EIF2AK4: variants seen among roughly 807,000 people sequenced by gnomAD.
EIF2AK4 encodes eIF-2-alpha kinase GCN2.
A neutral mutation model predicts 211.1 loss-of-function variants in EIF2AK4; 139 were observed. The ratio of observed to expected loss-of-function variants is 0.66; its 90% CI spans 0.57 to 0.76. EIF2AK4 has a LOEUF of 0.76. EIF2AK4 is among the 30% of genes least tolerant of loss of function. EIF2AK4 has a pLI of 0.00. For missense variants in EIF2AK4, 1,664 were observed against 2,043.8 expected (o/e 0.81, Z 3.58); for synonymous variants, 710 against 751.3 (o/e 0.94, Z 0.90).
chr15:39,972,849 T>C, intron 9 of EIF2AK4, 59 bp from the exon 10 acceptor site: 1 of 1,366,712 alleles, frequency 7.3e-7, no homozygotes, highest in Non-Finnish European at 1.0e-6. Context: ...ATGCCTTGGA[T>C]TAACTAGTTT....
chr15:40,011,252 C>G, intron 26 of EIF2AK4, 29 bp from the exon 27 acceptor site: 2 of 1,609,402 alleles, frequency 1.2e-6, no homozygotes, highest in Non-Finnish European at 1.7e-6. Flanking sequence ...TTTCGCGACT[C>G]TCATTGTTAC....
At chr15:40,021,470 G>A (rs1234055174) in intron 31 of EIF2AK4, 5 of 152,996 alleles carry the variant, frequency 3.3e-5, no homozygotes, top group Non-Finnish European at 7.3e-5. Flanking sequence ...CCTCATACAT[G>A]CACCCTGTGA....
chr15:39,986,028 C>G, intron 14 of EIF2AK4, 140 bp downstream of exon 14: 1 of 704,316 alleles, frequency 1.4e-6, no homozygotes, highest in South Asian at 2.0e-5. Context: ...AGAGGATTAC[C>G]ATATGGAGGC....
At chr15:39,943,276 T>G (rs1008396108) in intron 2 of EIF2AK4, 107 bp from the exon 3 acceptor site, 17 of 797,960 alleles carry the variant, frequency 2.1e-5, no homozygotes, top group Non-Finnish European at 3.1e-5. Context: ...CCCTTTGAGA[T>G]TAAGGGCCTT....
chr15:39,951,428 A>G (rs2034311324), intron 4 of EIF2AK4: 3 of 312,476 alleles, frequency 9.6e-6, no homozygotes, highest in Non-Finnish European at 1.8e-5. Context: ...CAATTGTTAC[A>G]TGTTTGGCAT....
At chr15:39,937,319 T>C (rs930905057) in intron 1 of EIF2AK4, among the ~76,000 whole-genome samples, 8 of 152,300 alleles carry the variant, frequency 5.3e-5, no homozygotes, top group African/African-American at 1.9e-4. Context: ...ATGAAACATA[T>C]CTCATTTTAA....
chr15:39,944,008 C>T (rs530204026), intron 3 of EIF2AK4, among the ~76,000 whole-genome samples: 21 of 152,200 alleles, frequency 1.4e-4, no homozygotes, highest in Middle Eastern at 3.4e-3. Flanking sequence ...TTGATGTGAA[C>T]CCAGCCATAC....
rs1218757710 is a variant in EIF2AK4 at position 40,009,693 on chromosome 15, A to C, written c.3656A>C (p.Lys1219Thr). The change falls in exon 26 of 39, where the codon AAA becomes ACA. Residue 1219 changes from lysine (K) to threonine (T), a missense_variant. This residue lies in a region of EIF2AK4 where 622 missense variants were observed against 796.8 expected (regional missense o/e 0.78). Transcript: ENST00000263791. Reference protein sequence around the residue: ...ILLHCGIPEDKLSQVYIILYD... With the variant: ...ILLHCGIPEDTLSQVYIILYD... ...TTACACTGTGGGATCCCAGAAGATA[A>C]ACTCAGTCAAGTCTACATTATTCTG... 1 of 1,609,706 alleles carries C rather than the reference A, an allele frequency of 6.2e-7. No homozygotes were observed. The highest frequency in any genetic ancestry group is 8.5e-7 in the Non-Finnish European group (1 of 1,177,666).
At position 39,976,602 on chromosome 15, in the gene EIF2AK4, C is replaced by G; in HGVS notation, c.2007C>G (p.Pro669=). ...HERPAGPGTP[P]PDSGPLAKDD... ...GGCCGGCGGGACCGGGGACGCCGCC[C>G]CCGGACTCCGGGCCCCTGGCCAAGG... is the stretch of plus-strand genomic sequence containing the variant. The change falls in exon 12 of 39, where the codon CCC becomes CCG. Residue 669 remains proline, a synonymous_variant. Transcript: ENST00000263791. 1.2e-6 allele frequency: 2 copies of G among 1,609,050 alleles called. No homozygotes were observed. Among genetic ancestry groups the G allele is most frequent in the Non-Finnish European group, 1.7e-6 (2 of 1,178,274 alleles).
chr15:40,020,095 A>C (rs1189697988), intron 30 of EIF2AK4, among the ~76,000 whole-genome samples: 1 of 149,936 alleles, frequency 6.7e-6, no homozygotes, highest in Non-Finnish European at 1.5e-5. Context: ...TGAACCCAGG[A>C]GGGGGAGGTT....
At chr15:39,970,643 A>G (rs2034610702) in intron 9 of EIF2AK4, among the ~76,000 whole-genome samples, 1 of 152,170 alleles carries the variant, frequency 6.6e-6, no homozygotes, top group African/African-American at 2.4e-5. Flanking sequence ...AAATCAAAAA[A>G]CAATACTATT....
intron 8 of EIF2AK4, among the ~76,000 whole-genome samples, 163 bp downstream of exon 8, chr15:39,966,006 C>A (rs943100197): frequency 6.6e-6 from 1 of 152,142 alleles, no homozygotes; most frequent in African/African-American, 2.4e-5. Flanking sequence ...CCTCTTTGCC[C>A]CTTGCCTCTG....
Position 40,007,973 on chromosome 15 carries a change from A to T in EIF2AK4, c.3408-54A>T, listed in dbSNP as rs148493486. ...TATATCTTGTTCAACAATTTCTTAT[A>T]CATATTTCTTTCTAGTAAGCAATGA... On this transcript the variant is annotated intron_variant, in intron 24 of 38. Coordinates refer to ENST00000263791, the MANE Select transcript of EIF2AK4 (RefSeq NM_001013703.4). 344 of 1,294,574 alleles carry T rather than the reference A, an allele frequency of 2.7e-4. No homozygotes were observed. The African/African-American group carries it at 4.7e-3, about 18-fold the overall frequency. 80.2% of individuals were successfully genotyped at this position (1,294,574 alleles called of 1,614,324 possible).
intron 23 of EIF2AK4, among the ~76,000 whole-genome samples, chr15:40,005,982 A>T (rs1041689899): frequency 1.3e-5 from 2 of 152,176 alleles, no homozygotes; most frequent in Admixed American, 6.5e-5. Flanking sequence ...AAAAAAAAAA[A>T]AATTCACAAA....
rs539765152 is a variant in EIF2AK4, at chr15:39,966,223, A to G, written c.1017+380A>G. Among the ~76,000 whole-genome samples the G allele has an allele frequency of 3.0e-4, 45 of 152,278 alleles. 1 individual carries two copies. The highest frequency in any genetic ancestry group is 2.1e-3 in the South Asian group (10 of 4,818). On this transcript the variant is annotated intron_variant, in intron 8 of 38. Coordinates refer to ENST00000263791, the MANE Select transcript of EIF2AK4 (RefSeq NM_001013703.4). ...AGTGACTCATACCTGTAATCCCAGC[A>G]CTTTGGGAGGCCAAGGTAGGAGGAC...
intron 6 of EIF2AK4, among the ~76,000 whole-genome samples, chr15:39,959,474 G>A (rs968448780): frequency 7.2e-5 from 11 of 152,066 alleles, no homozygotes; most frequent in African/African-American, 2.2e-4. Flanking sequence ...CACATTTGTC[G>A]TTTTCTTACT....
chr15:40,016,829 T>C (rs1271597964), intron 28 of EIF2AK4, among the ~76,000 whole-genome samples, 157 bp downstream of exon 28: 1 of 152,244 alleles, frequency 6.6e-6, no homozygotes, highest in African/African-American at 2.4e-5. Context: ...GTAATAATTT[T>C]GGCTTAAATC....
chr15:39,961,735 A>C (rs2034475012), intron 6 of EIF2AK4, 49 bp from the exon 7 acceptor site: 1 of 1,462,878 alleles, frequency 6.8e-7, no homozygotes, highest in Non-Finnish European at 9.5e-7. Flanking sequence ...TCTTAAAGAA[A>C]AAAATGAAAA....
At position 40,009,768 on chromosome 15, in the gene EIF2AK4, C is replaced by A. The variant is rs774226558; in HGVS notation, c.3693+38C>A. 3.8e-6 allele frequency: 5 copies of A among 1,304,120 alleles called. No homozygotes were observed. In the Admixed American group the frequency reaches 7.8e-5, roughly 20 times the overall value. 80.8% of individuals were successfully genotyped at this position (1,304,120 alleles called of 1,614,324 possible). On this transcript the variant is annotated intron_variant, in intron 26 of 38. Coordinates refer to ENST00000263791, the MANE Select transcript of EIF2AK4 (RefSeq NM_001013703.4). ...TTACTTATGATGTTGAAAGATAATACCTTGATGTTGAAAGATAATAATAAT... is the reference window on the plus strand; with the variant it reads ...TTACTTATGATGTTGAAAGATAATAACTTGATGTTGAAAGATAATAATAAT...
Sources: allele counts gnomAD v4.1 joint callset (sites outside exome capture counted in the v4.1 genomes callset), GRCh38; gene constraint gnomAD v4.1.1; regional missense constraint gnomAD v4.1.1; transcripts MANE v1.5; gene names NCBI Gene and HGNC (gene_info 2026-07-23, HGNC 2026-07-21).